Variants in OBP2B observed in about 807,000 individuals in gnomAD.
The protein encoded by OBP2B is odorant-binding protein 2b.
In OBP2B, 10 loss-of-function variants were observed where a neutral mutation model predicts 21.7. That is an observed-to-expected ratio of 0.46 (90% CI 0.28 to 0.78). OBP2B has a LOEUF of 0.78. Ranked by LOEUF, OBP2B falls within the 30% of genes least tolerant of loss-of-function variation. The pLI is 0.11. For missense variants in OBP2B, 153 were observed against 217.7 expected (o/e 0.70, Z 1.87); for synonymous variants, 73 against 91.5 (o/e 0.80, Z 1.16).
intron 3 of OBP2B, 27 bp downstream of exon 3, chr9:133,208,105 TG>T (rs1833797798): frequency 1.4e-6 from 1 of 708,006 alleles, no homozygotes; most frequent in Non-Finnish European, 1.7e-6. Context: ...TGGGGGAGGG[TG>T]GGGGTGGGAG....
At chr9:133,220,442 T>A in the OBP2B span, among the ~76,000 whole-genome samples, 1 of 152,234 alleles carries the variant, frequency 6.6e-6, no homozygotes, top group Admixed American at 6.5e-5. Context: ...TGATTGCCAG[T>A]TCCCCCCATG....
the OBP2B span, among the ~76,000 whole-genome samples, chr9:133,218,324 T>C: frequency 6.6e-6 from 1 of 152,086 alleles, no homozygotes; most frequent in East Asian, 1.9e-4. Flanking sequence ...GGAACTGCCA[T>C]GTAGGGATTA....
intron 2 of OBP2B, 82 bp downstream of exon 2, chr9:133,208,387 G>C: frequency 6.2e-7 from 1 of 1,600,644 alleles, no homozygotes; most frequent in Non-Finnish European, 8.5e-7. Context: ...CACCCGAAAC[G>C]TGGATGGGGC....
At chr9:133,215,637 G>T in the OBP2B span, among the ~76,000 whole-genome samples, 3 of 151,796 alleles carry the variant, frequency 2.0e-5, no homozygotes, top group Admixed American at 6.6e-5. Flanking sequence ...TCCTGCCTCC[G>T]CCTCCCAAGT....
At chr9:133,210,937 C>A (rs1409398545), upstream of OBP2B, among the ~76,000 whole-genome samples, 1 of 152,182 alleles carries the variant, frequency 6.6e-6, no homozygotes, top group Non-Finnish European at 1.5e-5. Flanking sequence ...GCCTGGGGCA[C>A]TTCTCTGGAT....
the OBP2B span, among the ~76,000 whole-genome samples, chr9:133,217,396 T>C: frequency 3.9e-5 from 6 of 152,254 alleles, no homozygotes; most frequent in Non-Finnish European, 4.4e-5. Context: ...CTTGTGCACC[T>C]GGTGCAATGC....
At chr9:133,206,762 C>T (rs1178707574) in intron 4 of OBP2B, among the ~76,000 whole-genome samples, 1 of 151,702 alleles carries the variant, frequency 6.6e-6, no homozygotes, top group Non-Finnish European at 1.5e-5. Context: ...GATGAGAGGT[C>T]CCCAGGAAGG....
intron 5 of OBP2B, among the ~76,000 whole-genome samples, 159 bp from the exon 6 acceptor site, chr9:133,206,099 C>T (rs1250559009): frequency 1.3e-5 from 2 of 150,454 alleles, no homozygotes; most frequent in East Asian, 1.9e-4. Context: ...CAGACCCCAT[C>T]GCAGCCCAGA....
At chr9:133,222,271 G>A in the OBP2B span, among the ~76,000 whole-genome samples, 7 of 151,816 alleles carry the variant, frequency 4.6e-5, no homozygotes, top group Admixed American at 2.6e-4. Context: ...TGGCCCCAGC[G>A]CCCTAAATGC....
upstream of OBP2B, among the ~76,000 whole-genome samples, chr9:133,214,123 G>T (rs113776239): frequency 1.5e-3 from 225 of 152,216 alleles, 1 homozygote; most frequent in African/African-American, 4.7e-3. Flanking sequence ...TGATCATATC[G>T]ATCAATGCAG....
At chr9:133,216,295 T>C in the OBP2B span, among the ~76,000 whole-genome samples, 2 of 150,828 alleles carry the variant, frequency 1.3e-5, no homozygotes, top group Non-Finnish European at 3.0e-5. Flanking sequence ...CTAGAGAGGA[T>C]ATACAGATGG....
chr9:133,205,358 C>T lies in OBP2B; in HGVS notation c.*55G>A, dbSNP rs1454912089. 62 of 1,530,106 alleles carry T rather than the reference C, an allele frequency of 4.1e-5. No homozygotes were observed. Among genetic ancestry groups the T allele is most frequent in the Admixed American group, 1.2e-4 (6 of 50,232 alleles). 94.8% of individuals were successfully genotyped at this position (1,530,106 alleles called of 1,614,324 possible). On this transcript the variant is annotated 3_prime_UTR_variant, in exon 7 of 7. Transcript: ENST00000372034. ...GGCTGGAGGGTAGGTCCAGGTGGTC[C>T]AGGCTCTGTGTCTGGTGGTAGGGTG...
intron 5 of OBP2B, 91 bp downstream of exon 5, chr9:133,206,224 G>C (rs1263527057): frequency 7.2e-7 from 1 of 1,382,114 alleles, no homozygotes; most frequent in Middle Eastern, 1.8e-4. Flanking sequence ...GGAATGCGGG[G>C]GACATGGGAG....
intron 4 of OBP2B, among the ~76,000 whole-genome samples, 162 bp downstream of exon 4, chr9:133,207,064 A>G (rs782761066): frequency 4.6e-5 from 7 of 151,616 alleles, no homozygotes; most frequent in Middle Eastern, 3.4e-3. Flanking sequence ...TCCCATTCCC[A>G]CTTCAGGTAC....
At chr9:133,210,396 T>C (rs3761821), upstream of OBP2B, among the ~76,000 whole-genome samples, 123,426 of 152,010 alleles carry the variant, frequency 0.81, 50,795 homozygotes, top group African/African-American at 0.91. Context: ...AACGGGCTGG[T>C]GTGACCCAGT....
rs1833850352 is a variant in OBP2B at position 133,209,044 on chromosome 9, A to G, written c.72+84T>C. ...GGGTCAGAAGCCAGCCTTCAGTGAC[A>G]CCTCCTAAAGCAGGGCCCCTGGCAC... is the stretch of plus-strand genomic sequence containing the variant. On this transcript the variant is annotated intron_variant, in intron 1 of 6. Transcript: ENST00000372034. This position sits in a 1 kb window ranked among gnomAD's most constrained non-coding sequence, Gnocchi z 6.0. The G allele has an allele frequency of 6.4e-7, 1 of 1,563,252 alleles. No homozygotes were observed. Among genetic ancestry groups the G allele is most frequent in the African/African-American group, 1.4e-5 (1 of 73,556 alleles).
chr9:133,222,183 C>T, the OBP2B span, among the ~76,000 whole-genome samples: 21 of 152,258 alleles, frequency 1.4e-4, no homozygotes, highest in East Asian at 9.7e-4. Context: ...GGATCGGCTC[C>T]GCCCAAGCCC....
At chr9:133,210,935 C>T (rs1833904809), upstream of OBP2B, among the ~76,000 whole-genome samples, 1 of 152,184 alleles carries the variant, frequency 6.6e-6, no homozygotes, top group South Asian at 2.1e-4. Flanking sequence ...TGGCCTGGGG[C>T]ACTTCTCTGG....
chr9:133,219,498 T>C, the OBP2B span, among the ~76,000 whole-genome samples: 5 of 152,162 alleles, frequency 3.3e-5, no homozygotes, highest in Admixed American at 3.3e-4. Flanking sequence ...AAATGACCAA[T>C]AAACACCTGA....
Sources: gnomAD v4.1 joint callset for allele counts (sites outside exome capture counted in the v4.1 genomes callset) on GRCh38, gnomAD v4.1.1 for gene constraint, Gnocchi (gnomAD v3.1) non-coding constraint, MANE v1.5 for transcripts, NCBI Gene and HGNC (gene_info 2026-07-23, HGNC 2026-07-21) for gene names.